CAMSAP3: variants seen among roughly 807,000 people sequenced by gnomAD.
CAMSAP3 encodes the protein calmodulin regulated spectrin associated protein family member 3.
CAMSAP3 carries 34 observed loss-of-function variants against 112.5 expected under a neutral mutation model. That is an observed-to-expected ratio of 0.30 (90% CI 0.23 to 0.40). The LOEUF (loss-of-function observed/expected upper bound fraction) is 0.40. CAMSAP3 is among the 10% of genes least tolerant of loss of function. The probability of loss-of-function intolerance (pLI) is 1.00; values close to 1 mark genes in which losing one functional copy is unlikely to be tolerated. For missense variants in CAMSAP3, 1,602 were observed against 1,770.3 expected (o/e 0.90, Z 1.71); for synonymous variants, 868 against 799.8 (o/e 1.09, Z -1.44).
intron 1 of CAMSAP3, among the ~76,000 whole-genome samples, chr19:7,603,380 C>G (rs1362023307): frequency 6.6e-6 from 1 of 151,900 alleles, no homozygotes; most frequent in Non-Finnish European, 1.5e-5. Context: ...ATGCCCAGCT[C>G]ATTTTTGTAT....
At position 7,607,853 on chromosome 19, in the gene CAMSAP3, G is replaced by T; in HGVS notation, c.622-273G>T. 1 of 1,369,104 alleles carries T rather than the reference G, an allele frequency of 7.3e-7. No individual in the cohort carries two copies. The highest frequency in any genetic ancestry group is 1.4e-5 in the South Asian group (1 of 69,394). The allele number at this position is 1,369,104 out of a possible 1,614,324, so 84.8% of individuals were successfully genotyped here. A position where few individuals can be genotyped will look rare whatever the true frequency, so the allele number is the denominator to read the frequency against. ...TTGCCTTCTGTTTGAAGGAGTCGGG[G>T]AGCAAACCCCCCATGGTAATGTATC... On this transcript the variant is annotated intron_variant, in intron 4 of 16. Coordinates refer to ENST00000160298, the MANE Select transcript of CAMSAP3 (RefSeq NM_020902.2). The surrounding 1 kb of genome is among the most constrained non-coding windows in gnomAD (Gnocchi z 4.9).
At position 7,612,074 on chromosome 19, in the gene CAMSAP3, G is replaced by A. The variant is rs2030523358; in HGVS notation, c.1581G>A (p.Ser527=). 6.8e-6 allele frequency: 11 copies of A among 1,609,114 alleles called. No individual in the cohort carries two copies. The highest frequency in any genetic ancestry group is 1.1e-5 in the South Asian group (1 of 90,928). The part of the protein sequence containing the change: ...PVYMPHPETP[S]KPSPCLVGEA... ...ACATGCCACACCCCGAGACCCCCTC[G>A]AAACCATCTCCCTGTCTGGTGGGGG... is the stretch of plus-strand genomic sequence containing the variant. Residue 527 remains serine (S), a synonymous_variant, in exon 11 of 17, where the codon TCG becomes TCA. Transcript: ENST00000160298.
Position 7,612,178 on chromosome 19 carries a change from TG to T in CAMSAP3, c.1686del (p.Met564Ter), listed in dbSNP as rs1336195495. 6.2e-7 allele frequency: 1 copy of T among 1,610,038 alleles called. No homozygotes were observed. On this transcript the variant is annotated frameshift_variant, in exon 11 of 17. Coordinates refer to ENST00000160298, the MANE Select transcript of CAMSAP3 (RefSeq NM_020902.2). LOFTEE classifies it high-confidence loss of function. ...TCCCCAGCAGCCACCAACTCCGAGG[TG>T]AAAATGACCAGCTTTGCAGAACGCA... is the stretch of plus-strand genomic sequence containing the variant. The part of the protein sequence containing the change: ...ASSPAATNSE[V>X]KMTSFAERKK...
At position 7,618,098 on chromosome 19, in the gene CAMSAP3, G is replaced by C; in HGVS notation, c.*41G>C. ...CCACGGGCCGGGCCCTGTGTGCTGC[G>C]GCCGCCATCCCCTGGAGGACAGTCA... is the stretch of plus-strand genomic sequence containing the variant. On this transcript the variant is annotated 3_prime_UTR_variant, in exon 17 of 17. Coordinates refer to ENST00000160298, the MANE Select transcript of CAMSAP3 (RefSeq NM_020902.2). The C allele has an allele frequency of 6.3e-7, 1 of 1,580,890 alleles. No homozygotes were observed.
intron 1 of CAMSAP3, among the ~76,000 whole-genome samples, chr19:7,598,574 A>G (rs2146150848): frequency 6.6e-6 from 1 of 152,298 alleles, no homozygotes; most frequent in Non-Finnish European, 1.5e-5. Flanking sequence ...CTTGGAGATT[A>G]GATAAGAAAG....
chr19:7,612,151 C>T lies in CAMSAP3; in HGVS notation c.1658C>T (p.Ser553Leu), dbSNP rs772348950. 1.2e-5 allele frequency: 20 copies of T among 1,612,330 alleles called. No individual in the cohort carries two copies. Among genetic ancestry groups the T allele is most frequent in the African/African-American group, 2.7e-5 (2 of 75,068 alleles). ...GAGGGGTCCCCGAAGGCGGTGGCTT[C>T]GTCCCCAGCAGCCACCAACTCCGAG... Reference protein sequence around the residue: ...PSEGSPKAVASSPAATNSEVK... With the variant: ...PSEGSPKAVALSPAATNSEVK... Residue 553 changes from serine (S) to leucine (L), a missense_variant, in exon 11 of 17, where the codon TCG becomes TTG. Ser to Leu is a moderately radical substitution (Grantham distance 145). Coordinates refer to ENST00000160298, the MANE Select transcript of CAMSAP3 (RefSeq NM_020902.2).
At position 7,615,828 on chromosome 19, in the gene CAMSAP3, G is replaced by C; in HGVS notation, c.3112+109G>C. The C allele has an allele frequency of 1.5e-6, 1 of 676,260 alleles. No individual in the cohort carries two copies. Among genetic ancestry groups the C allele is most frequent in the Non-Finnish European group, 2.1e-6 (1 of 482,488 alleles). 41.9% of individuals were successfully genotyped at this position (676,260 alleles called of 1,614,324 possible). ...GGAGGGAGATGTAAGCAGGGGTGCC[G>C]GGAGGGGGCGGGTATGTGGGGTGAC... On this transcript the variant is annotated intron_variant, in intron 13 of 16. Transcript: ENST00000160298. The surrounding 1 kb of genome is among the most constrained non-coding windows in gnomAD (Gnocchi z 6.5).
Position 7,607,833 on chromosome 19 carries a change from T to C in CAMSAP3, c.622-293T>C. ...CCTCTCCCCCCAGCACGCAATTGCC[T>C]TCTGTTTGAAGGAGTCGGGGAGCAA... On this transcript the variant is annotated intron_variant, in intron 4 of 16. Transcript: ENST00000160298. This position sits in a 1 kb window ranked among gnomAD's most constrained non-coding sequence, Gnocchi z 4.9. The C allele has an allele frequency of 1.5e-6, 2 of 1,361,218 alleles. No homozygotes were observed. Among genetic ancestry groups the C allele is most frequent in the South Asian group, 1.6e-5 (1 of 64,164 alleles). 84.3% of individuals were successfully genotyped at this position (1,361,218 alleles called of 1,614,324 possible).
At position 7,618,058 on chromosome 19, in the gene CAMSAP3, C is replaced by A; in HGVS notation, c.*1C>A. 1.2e-6 allele frequency: 2 copies of A among 1,610,184 alleles called. No individual in the cohort carries two copies. The highest frequency in any genetic ancestry group is 1.7e-4 in the Middle Eastern group (1 of 5,954). On this transcript the variant is annotated 3_prime_UTR_variant, in exon 17 of 17. Coordinates refer to ENST00000160298, the MANE Select transcript of CAMSAP3 (RefSeq NM_020902.2). ...GAAGGGCGGCGGCACCCCCAAATAG[C>A]CCCACCCGGGCGGTCCACGGGCCGG...
At position 7,605,516 on chromosome 19, in the gene CAMSAP3, A is replaced by G. The variant is rs1466246306; in HGVS notation, c.402+37A>G. On this transcript the variant is annotated intron_variant, in intron 2 of 16. Coordinates refer to ENST00000160298, the MANE Select transcript of CAMSAP3 (RefSeq NM_020902.2). ...CACTGCCTGTTAGACCACGCCTACC[A>G]TGCTCAGCTCCTCCCCTCAAGCTCC... 7 of 1,433,728 alleles carry G rather than the reference A, an allele frequency of 4.9e-6. No homozygotes were observed. In the African/African-American group the frequency reaches 1.0e-4, roughly 21 times the overall value. The allele number at this position is 1,433,728 out of a possible 1,614,324, so 88.8% of individuals were successfully genotyped here. A position where few individuals can be genotyped will look rare whatever the true frequency, so the allele number is the denominator to read the frequency against.
chr19:7,613,130 G>T lies in CAMSAP3; in HGVS notation c.2637G>T (p.Gly879=). ...DSLEEEASSE[G]EPRVGLGFFY... ...TGGAGGAGGAGGCGTCTTCGGAGGGGGAGCCCCGGGTGGGGCTGGGGTTCT... is the reference window on the plus strand; with the variant it reads ...TGGAGGAGGAGGCGTCTTCGGAGGGTGAGCCCCGGGTGGGGCTGGGGTTCT... The change falls in exon 11 of 17, where the codon GGG becomes GGT. Residue 879 remains glycine (G), a synonymous_variant. Transcript: ENST00000160298. 1 of 1,543,374 alleles carries T rather than the reference G, an allele frequency of 6.5e-7. No individual in the cohort carries two copies. Among genetic ancestry groups the T allele is most frequent in the Non-Finnish European group, 8.7e-7 (1 of 1,144,072 alleles).
At position 7,612,401 on chromosome 19, in the gene CAMSAP3, C is replaced by T. The variant is rs759282233; in HGVS notation, c.1908C>T (p.Ala636=). 3 of 1,596,206 alleles carry T rather than the reference C, an allele frequency of 1.9e-6. No homozygotes were observed. The African/African-American group carries it at 4.0e-5, about 21-fold the overall frequency. The change falls in exon 11 of 17, where the codon GCC becomes GCT. Residue 636 remains alanine, a synonymous_variant. Transcript: ENST00000160298. ...ACCGCCAGCGGCTGGGCAAAAGCGC[C>T]TTCCTGCAGGTGCAGCCGCGGGAAG... ...AKHRQRLGKS[A]FLQVQPREAS... is the part of the protein sequence containing the mutation.
Position 7,612,434 on chromosome 19 carries a change from GGAGGCGGAAGCA to G in CAMSAP3, c.1950_1961del (p.Ala651_Glu654del). ...AGGTGCAGCCGCGGGAAGCCTCTGGGGAGGCGGAAGCAGAGGCGGAGGAGGCCGATTCCGGTC... is the reference window on the plus strand; with the variant it reads ...AGGTGCAGCCGCGGGAAGCCTCTGGGGAGGCGGAGGAGGCCGATTCCGGTC... On this transcript the variant is annotated inframe_deletion, in exon 11 of 17. Transcript: ENST00000160298. 1.3e-6 allele frequency: 2 copies of G among 1,591,070 alleles called. No homozygotes were observed. Among genetic ancestry groups the G allele is most frequent in the East Asian group, 2.3e-5 (1 of 43,678 alleles).
chr19:7,617,646 G>A lies in CAMSAP3; in HGVS notation c.3429G>A (p.Lys1143=). The A allele has an allele frequency of 6.2e-7, 1 of 1,614,164 alleles. No homozygotes were observed. The highest frequency in any genetic ancestry group is 8.5e-7 in the Non-Finnish European group (1 of 1,180,008). ...CGGGCAAGGTGAACGAACCGCAGAA[G>A]AATCGCATTCTGGAGGTGAGCCCGC... ...CLAGKVNEPQ[K]NRILEEIEKS... Residue 1143 remains lysine, a synonymous_variant, in exon 16 of 17, where the codon AAG becomes AAA. Transcript: ENST00000160298. The surrounding 1 kb of genome is among the most constrained non-coding windows in gnomAD (Gnocchi z 7.5).
intron 1 of CAMSAP3, among the ~76,000 whole-genome samples, chr19:7,598,265 T>C (rs562117546): frequency 6.6e-6 from 1 of 151,960 alleles, no homozygotes; most frequent in African/African-American, 2.4e-5. Context: ...GGAGAAGAGA[T>C]GTGTGGGCAG....
At chr19:7,606,201 C>T in intron 2 of CAMSAP3, 70 bp from the exon 3 acceptor site, 4 of 1,418,390 alleles carry the variant, frequency 2.8e-6, no homozygotes, top group Non-Finnish European at 3.7e-6. Context: ...TTCCTTTTCC[C>T]AGGCCCTTGG....
Position 7,618,018 on chromosome 19 carries a change from A to G in CAMSAP3, c.3711A>G (p.Lys1237=), listed in dbSNP as rs1568451017. Residue 1237 remains lysine, a synonymous_variant, in exon 17 of 17, where the codon AAA becomes AAG. Coordinates refer to ENST00000160298, the MANE Select transcript of CAMSAP3 (RefSeq NM_020902.2). ...TIQGHLWQGK[K]PTTPKKGGGT... ...AGGGACACCTCTGGCAGGGCAAGAA[A>G]CCCACCACTCCCAAGAAGGGCGGCG... 3 of 1,613,524 alleles carry G rather than the reference A, an allele frequency of 1.9e-6. No homozygotes were observed. Among genetic ancestry groups the G allele is most frequent in the African/African-American group, 2.7e-5 (2 of 74,848 alleles).
intron 1 of CAMSAP3, among the ~76,000 whole-genome samples, chr19:7,601,181 T>G (rs949647226): frequency 2.6e-5 from 4 of 152,236 alleles, no homozygotes; most frequent in African/African-American, 4.8e-5. Context: ...ATTTTTATGT[T>G]GATTACATGT....
rs764595205 is a variant in CAMSAP3 at position 7,617,304 on chromosome 19, T to A, written c.3213-22T>A. 1 of 1,564,846 alleles carries A rather than the reference T, an allele frequency of 6.4e-7. No individual in the cohort carries two copies. The highest frequency in any genetic ancestry group is 2.2e-5 in the East Asian group (1 of 44,574). On this transcript the variant is annotated intron_variant, in intron 14 of 16. Coordinates refer to ENST00000160298, the MANE Select transcript of CAMSAP3 (RefSeq NM_020902.2). This position sits in a 1 kb window ranked among gnomAD's most constrained non-coding sequence, Gnocchi z 7.5. The stretch of plus-strand genomic sequence containing the variant: ...CCATCCCATCCTGACCCCACCTCCA[T>A]CCCATCCTTCTCCCACTGCAGGGCT...
Sources: gnomAD v4.1 joint callset for allele counts (sites outside exome capture counted in the v4.1 genomes callset) on GRCh38, gnomAD v4.1.1 for gene constraint, Gnocchi (gnomAD v3.1) non-coding constraint, MANE v1.5 for transcripts, NCBI Gene and HGNC (gene_info 2026-07-23, HGNC 2026-07-21) for gene names.